CACNA1E: variants seen among roughly 807,000 people sequenced by gnomAD.
CACNA1E encodes the protein voltage-dependent R-type calcium channel subunit alpha-1E.
Under a neutral mutation model 259.2 loss-of-function variants are expected in CACNA1E, and 40 were observed. The ratio of observed to expected loss-of-function variants is 0.15; its 90% CI spans 0.12 to 0.20. CACNA1E has a LOEUF of 0.20. Among genes scored for constraint, CACNA1E ranks in the 10% least tolerant of loss-of-function variants. The pLI, the probability that CACNA1E is intolerant of heterozygous loss-of-function variation, is 1.00. For missense variants in CACNA1E, 1,874 were observed against 3,040.1 expected (o/e 0.62, Z 9.02); for synonymous variants, 1,104 against 1,138.5 (o/e 0.97, Z 0.61).
intron 6 of CACNA1E, among the ~76,000 whole-genome samples, chr1:181,591,270 A>G (rs1041501753): frequency 6.6e-6 from 1 of 152,222 alleles, no homozygotes; most frequent in Admixed American, 6.5e-5. Context: ...AGCTTTGTGT[A>G]AATGTGGTAT....
At chr1:181,636,831 C>T (rs893336034) in intron 6 of CACNA1E, among the ~76,000 whole-genome samples, 1 of 152,168 alleles carries the variant, frequency 6.6e-6, no homozygotes, top group African/African-American at 2.4e-5. Flanking sequence ...CCAGTCTTTC[C>T]ATCTAGAGAA....
At chr1:181,502,478 G>A (rs767871492) in intron 1 of CACNA1E, among the ~76,000 whole-genome samples, 2 of 152,092 alleles carry the variant, frequency 1.3e-5, no homozygotes, top group Non-Finnish European at 2.9e-5. Flanking sequence ...GGAGCCCTGG[G>A]CCAAGACTCC....
At chr1:181,417,346 G>A (rs1035414861) in intron 2 of CACNA1E, among the ~76,000 whole-genome samples, 1 of 152,156 alleles carries the variant, frequency 6.6e-6, no homozygotes, top group African/African-American at 2.4e-5. Flanking sequence ...TTCTAAGATA[G>A]AATGAATCAT....
At chr1:181,375,321 G>T (rs549487712) in intron 1 of CACNA1E, among the ~76,000 whole-genome samples, 94 of 152,262 alleles carry the variant, frequency 6.2e-4, no homozygotes, top group Admixed American at 2.2e-3. Context: ...TGCACATTAT[G>T]CTTATCATGC....
intron 1 of CACNA1E, among the ~76,000 whole-genome samples, chr1:181,366,497 C>T (rs1467086280): frequency 1.3e-5 from 2 of 152,042 alleles, no homozygotes; most frequent in African/African-American, 2.4e-5. Context: ...CTCATTTATC[C>T]CTCTTTTTTT....
intron 6 of CACNA1E, among the ~76,000 whole-genome samples, chr1:181,609,577 G>A (rs1240125922): frequency 6.6e-6 from 1 of 152,170 alleles, no homozygotes; most frequent in African/African-American, 2.4e-5. Context: ...TGTGGCAGAA[G>A]GAGCTCAAAC....
At chr1:181,437,973 G>C (rs1283363302) in intron 2 of CACNA1E, among the ~76,000 whole-genome samples, 1 of 152,186 alleles carries the variant, frequency 6.6e-6, no homozygotes, top group Non-Finnish European at 1.5e-5. Context: ...CAACTGAACA[G>C]GTCCAAGGAA....
chr1:181,777,609 G>A (rs1240651817), intron 38 of CACNA1E, among the ~76,000 whole-genome samples: 1 of 152,170 alleles, frequency 6.6e-6, no homozygotes, highest in African/African-American at 2.4e-5. Context: ...AGGCAGCCAG[G>A]CCTGCGTGTC....
rs142949946 is a variant in CACNA1E at position 181,563,295 on chromosome 1, G to A, written c.513-14471G>A. 3.5e-3 allele frequency among the ~76,000 whole-genome samples: 532 copies of A among 152,212 alleles called. 7 individuals carry two copies. Among genetic ancestry groups the A allele is most frequent in the African/African-American group, 0.01 (426 of 41,538 alleles). ...TTTCAGGCATCATAGGCAGAACTAG[G>A]AAAGTAGAACAATGGAAAAATATAT... On this transcript the variant is annotated intron_variant, in intron 3 of 47. Transcript: ENST00000367573.
intron 25 of CACNA1E, among the ~76,000 whole-genome samples, chr1:181,739,473 C>T (rs755258572): frequency 3.9e-5 from 6 of 152,052 alleles, no homozygotes; most frequent in East Asian, 3.9e-4. Flanking sequence ...GAGTAGGGAG[C>T]GTCAGGAGGG....
intron 2 of CACNA1E, among the ~76,000 whole-genome samples, chr1:181,424,258 T>C (rs1226200045): frequency 6.6e-6 from 1 of 152,214 alleles, no homozygotes; most frequent in Non-Finnish European, 1.5e-5. Flanking sequence ...TCCAGAGAAT[T>C]GGGCTTCCCT....
Position 181,739,238 on chromosome 1 carries a change from T to C in CACNA1E, c.3704T>C (p.Val1235Ala), listed in dbSNP as rs765318488. Reference sequence around the variant, plus strand: ...TTTGTGGTGGTCGTTGGCGCATTGGTGGCCTTTGCTCTGGCGTAAGTGACT... The same window carrying C: ...TTTGTGGTGGTCGTTGGCGCATTGGCGGCCTTTGCTCTGGCGTAAGTGACT... The part of the protein sequence containing the change: ...LDFVVVVGAL[V>A]AFALANALGT... Residue 1235 changes from valine to alanine, a missense_variant, in exon 25 of 48, where the codon GTG becomes GCG. Transcript: ENST00000367573. 1 of 1,611,062 alleles carries C rather than the reference T, an allele frequency of 6.2e-7. No individual in the cohort carries two copies. The highest frequency in any genetic ancestry group is 8.5e-7 in the Non-Finnish European group (1 of 1,177,194).
At chr1:181,484,397 G>A (rs994192622) in intron 1 of CACNA1E, among the ~76,000 whole-genome samples, 1 of 151,880 alleles carries the variant, frequency 6.6e-6, no homozygotes, top group African/African-American at 2.4e-5. Context: ...CTTTCTTTAA[G>A]CCAGCCACTC....
chr1:181,341,159 G>A (rs1652113877), intron 1 of CACNA1E, among the ~76,000 whole-genome samples: 1 of 151,820 alleles, frequency 6.6e-6, no homozygotes, highest in African/African-American at 2.4e-5. Flanking sequence ...TTCCTGCCTT[G>A]CCTTTTATGA....
intron 2 of CACNA1E, among the ~76,000 whole-genome samples, chr1:181,418,763 C>G (rs550588169): frequency 3.9e-5 from 6 of 152,026 alleles, no homozygotes; most frequent in African/African-American, 9.7e-5. Context: ...GTGTCTCCCC[C>G]CTCAAAATGT....
intron 1 of CACNA1E, among the ~76,000 whole-genome samples, chr1:181,337,709 G>A (rs1431881460): frequency 1.3e-5 from 2 of 152,160 alleles, no homozygotes; most frequent in Non-Finnish European, 2.9e-5. Flanking sequence ...TTAAGGCTGA[G>A]TAGTATTCCA....
In CACNA1E at chr1:181,511,410, G is replaced by C. The variant is rs1666152611; in HGVS notation, c.412G>C (p.Glu138Gln). 6.2e-7 allele frequency: 1 copy of C among 1,613,900 alleles called. No individual in the cohort carries two copies. The highest frequency in any genetic ancestry group is 8.5e-7 in the Non-Finnish European group (1 of 1,179,898). The change falls in exon 3 of 48, where the codon GAA (glutamate) becomes CAA (glutamine). Residue 138 changes from glutamate (E) to glutamine (Q), a missense_variant. Coordinates refer to ENST00000367573, the MANE Select transcript of CACNA1E (RefSeq NM_001205293.3). ...TTATTTCATTGGGATCTTTTGCTTT[G>C]AAGCTGGGATCAAAATTGTGGCCCT... ...EPYFIGIFCF[E>Q]AGIKIVALGF... is the part of the protein sequence containing the mutation.
At chr1:181,482,413 C>T (rs1424116930), upstream of CACNA1E, among the ~76,000 whole-genome samples, 1 of 152,246 alleles carries the variant, frequency 6.6e-6, no homozygotes, top group Non-Finnish European at 1.5e-5. Context: ...GCTGCACCTG[C>T]CTCTCTCTTC....
chr1:181,534,983 A>T (rs1668060893), intron 3 of CACNA1E, among the ~76,000 whole-genome samples: 1 of 152,202 alleles, frequency 6.6e-6, no homozygotes, highest in South Asian at 2.1e-4. Context: ...TTCTAGACAA[A>T]TGCCAACCAA....
Sources: gnomAD v4.1 joint callset for allele counts (sites outside exome capture counted in the v4.1 genomes callset) on GRCh38, gnomAD v4.1.1 for gene constraint, MANE v1.5 for transcripts, NCBI Gene and HGNC (gene_info 2026-07-23, HGNC 2026-07-21) for gene names.